The following VPS45 variants were observed in gnomAD, a reference collection of about 807,000 sequenced individuals.
The protein encoded by VPS45 is vacuolar protein sorting-associated protein 45.
Under a neutral mutation model 75.9 loss-of-function variants are expected in VPS45, and 35 were observed. That is an observed-to-expected ratio of 0.46 (90% CI 0.35 to 0.61). The LOEUF is 0.61. Ranked by LOEUF, VPS45 falls within the 20% of genes least tolerant of loss-of-function variation. The probability of loss-of-function intolerance (pLI) is 0.00; values close to 1 mark genes in which losing one functional copy is unlikely to be tolerated. For missense variants in VPS45, 559 were observed against 685.9 expected (o/e 0.81, Z 2.07); for synonymous variants, 220 against 238.2 (o/e 0.92, Z 0.70).
At chr1:150,103,370 T>A (rs1434780186) in intron 13 of VPS45, among the ~76,000 whole-genome samples, 1 of 152,192 alleles carries the variant, frequency 6.6e-6, no homozygotes, top group African/African-American at 2.4e-5. Context: ...TAAACATTGT[T>A]TTTCATAGAC....
chr1:150,081,119 A>G (rs1472827046), intron 7 of VPS45, among the ~76,000 whole-genome samples: 1 of 152,180 alleles, frequency 6.6e-6, no homozygotes, highest in Non-Finnish European at 1.5e-5. Context: ...CCCTTTTTCC[A>G]AAAGTATGAA....
Position 150,144,736 on chromosome 1 carries a change from A to T in VPS45, c.1653A>T (p.Gly551=), listed in dbSNP as rs1553816156. 3 of 1,614,132 alleles carry T rather than the reference A, an allele frequency of 1.9e-6. No homozygotes were observed. The highest frequency in any genetic ancestry group is 1.7e-6 in the Non-Finnish European group (2 of 1,180,010). Residue 551 remains glycine (G), a synonymous_variant, in exon 15 of 15, where the codon GGA becomes GGT. Transcript: ENST00000644510. ...TCCTAGAGGAAGTTCTGGCTTCTGGACTGCACAGCCGAAGCAAGGAGAGCT... is the reference window on the plus strand; with the variant it reads ...TCCTAGAGGAAGTTCTGGCTTCTGGTCTGCACAGCCGAAGCAAGGAGAGCT... ...KSFLEEVLAS[G]LHSRSKESSQ... is the part of the protein sequence containing the mutation.
intron 13 of VPS45, 87 bp from the exon 14 acceptor site, chr1:150,110,409 G>C: frequency 8.7e-7 from 1 of 1,151,224 alleles, no homozygotes; most frequent in South Asian, 2.1e-5. Context: ...CAAAAAAAAA[G>C]ATTTAGAAAT....
At chr1:150,101,787 G>A (rs1657029091) in intron 13 of VPS45, among the ~76,000 whole-genome samples, 1 of 151,718 alleles carries the variant, frequency 6.6e-6, no homozygotes, top group African/African-American at 2.4e-5. Flanking sequence ...CAGAGAAAAG[G>A]GAACACTTGT....
At chr1:150,088,610 G>A (rs1656155060) in intron 10 of VPS45, among the ~76,000 whole-genome samples, 1 of 150,508 alleles carries the variant, frequency 6.6e-6, no homozygotes, top group Non-Finnish European at 1.5e-5. Context: ...CTCCCCAGTA[G>A]CTGGGACTAC....
chr1:150,077,101 A>AT lies in VPS45; in HGVS notation c.448dup (p.Trp150LeufsTer8). 6.2e-7 allele frequency: 1 copy of AT among 1,613,868 alleles called. No individual in the cohort carries two copies. Among genetic ancestry groups the AT allele is most frequent in the Non-Finnish European group, 8.5e-7 (1 of 1,179,938 alleles). ...TATGTTTTTAACAAAAAGGGTCGAA[A>AT]TTGGGATCCAGCCCAGCTATCTAGA... On this transcript the variant is annotated frameshift_variant, in exon 6 of 15. Transcript: ENST00000644510. LOFTEE classifies it high-confidence loss of function.
At chr1:150,100,261 G>T (rs1656908238) in intron 13 of VPS45, among the ~76,000 whole-genome samples, 1 of 152,082 alleles carries the variant, frequency 6.6e-6, no homozygotes, top group Admixed American at 6.5e-5. Flanking sequence ...AAATACCTAG[G>T]AATACAGCTA....
intron 14 of VPS45, among the ~76,000 whole-genome samples, chr1:150,136,617 T>C (rs1447530700): frequency 6.6e-6 from 1 of 152,010 alleles, no homozygotes; most frequent in African/African-American, 2.4e-5. Flanking sequence ...AAATGTATCC[T>C]AAATATAAAT....
chr1:150,101,268 C>CAAA (rs782740342), intron 13 of VPS45, among the ~76,000 whole-genome samples: 1,506 of 137,084 alleles, frequency 0.011, 30 homozygotes, highest in Middle Eastern at 0.038. Context: ...AACCCTGTCG[C>CAAA]AAAAAAAAAA....
Position 150,102,679 on chromosome 1 carries a change from G to A in VPS45, c.1494-7817G>A, listed in dbSNP as rs2086203. Among the ~76,000 whole-genome samples the A allele has an allele frequency of 5.1e-3, 770 of 152,252 alleles. 8 individuals carry two copies. The highest frequency in any genetic ancestry group is 0.018 in the African/African-American group (732 of 41,542). Reference sequence around the variant, plus strand: ...AAAATGTACATATACACCATGGAATGTTAGGCAGCCATAAAAAAATGAGAT... The same window carrying A: ...AAAATGTACATATACACCATGGAATATTAGGCAGCCATAAAAAAATGAGAT... On this transcript the variant is annotated intron_variant, in intron 13 of 14. Coordinates refer to ENST00000644510, the MANE Select transcript of VPS45 (RefSeq NM_007259.5).
rs1376529002 is a variant in VPS45, at chr1:150,125,622, G to A, written c.1625+14995G>A. 6.8e-5 allele frequency among the ~76,000 whole-genome samples: 9 copies of A among 132,470 alleles called. 1 individual carries two copies. Among genetic ancestry groups the A allele is most frequent in the African/African-American group, 2.5e-4 (9 of 35,600 alleles). The allele number at this position is 132,470 out of a possible 152,430, so 86.9% of individuals were successfully genotyped here. On this transcript the variant is annotated intron_variant, in intron 14 of 14. Transcript: ENST00000644510. ...CAATGAGAACACTTGGACACAGGAA[G>A]GGGAACATCACACACTGGGGGGAGG...
chr1:150,077,053 A>G, intron 5 of VPS45, 41 bp from the exon 6 acceptor site: 1 of 1,613,320 alleles, frequency 6.2e-7, no homozygotes, highest in Non-Finnish European at 8.5e-7. Flanking sequence ...TGTAAGAGAA[A>G]ATTCAAATAT....
chr1:150,091,956 A>G lies in VPS45; in HGVS notation c.1124A>G (p.Gln375Arg). The G allele has an allele frequency of 6.2e-7, 1 of 1,613,710 alleles. No individual in the cohort carries two copies. The highest frequency in any genetic ancestry group is 8.5e-7 in the Non-Finnish European group (1 of 1,179,878). ...SALQNIKRLL[Q>R]NPKVTEFDAA... ...CTTCAGAATATAAAAAGGCTTCTGCAGAACCCCAAAGTGACAGAGTTTGAT... is the reference window on the plus strand; with the variant it reads ...CTTCAGAATATAAAAAGGCTTCTGCGGAACCCCAAAGTGACAGAGTTTGAT... The change falls in exon 11 of 15, where the codon CAG (glutamine) becomes CGG (arginine). Residue 375 changes from glutamine to arginine, a missense_variant. Physicochemically the swap from Gln to Arg is conservative, Grantham distance 43. Coordinates refer to ENST00000644510, the MANE Select transcript of VPS45 (RefSeq NM_007259.5).
At position 150,076,935 on chromosome 1, in the gene VPS45, T is replaced by C. The variant is rs1299500545; in HGVS notation, c.389T>C (p.Ile130Thr). 1 of 1,614,006 alleles carries C rather than the reference T, an allele frequency of 6.2e-7. No homozygotes were observed. Residue 130 changes from isoleucine to threonine, a missense_variant, in exon 5 of 15, where the codon ATT becomes ACT. Ile to Thr is a moderately conservative substitution (Grantham distance 89, BLOSUM62 -1). Transcript: ENST00000644510. ...TTGCAGGAATTTTATGGTGATTACA[T>C]TGCTGTGAACCCACATTTGTTTTCC... is the stretch of plus-strand genomic sequence containing the variant. ...AEVQEFYGDY[I>T]AVNPHLFSLN...
chr1:150,120,139 C>A (rs900413981), intron 14 of VPS45, among the ~76,000 whole-genome samples: 1 of 151,942 alleles, frequency 6.6e-6, no homozygotes, highest in Non-Finnish European at 1.5e-5. Context: ...GATTACTAAA[C>A]AGATTTATTC....
intron 3 of VPS45, among the ~76,000 whole-genome samples, chr1:150,075,433 T>A: frequency 6.6e-6 from 1 of 152,186 alleles, no homozygotes; most frequent in East Asian, 1.9e-4. Context: ...TAGGTTAAGA[T>A]TTGATTTCTT....
At chr1:150,113,372 G>A (rs774621675) in intron 14 of VPS45, among the ~76,000 whole-genome samples, 44 of 152,152 alleles carry the variant, frequency 2.9e-4, no homozygotes, top group African/African-American at 4.6e-4. Flanking sequence ...CATTATGTAC[G>A]GAAAAGTATA....
intron 14 of VPS45, among the ~76,000 whole-genome samples, chr1:150,133,399 C>G (rs1658924749): frequency 6.6e-6 from 1 of 151,732 alleles, no homozygotes; most frequent in African/African-American, 2.4e-5. Context: ...AAAAAAAATA[C>G]AAAAATTAGC....
At chr1:150,087,434 C>A (rs1553800949) in intron 10 of VPS45, among the ~76,000 whole-genome samples, 1 of 152,006 alleles carries the variant, frequency 6.6e-6, no homozygotes, top group Non-Finnish European at 1.5e-5. Flanking sequence ...TAAGAGAAAC[C>A]AAAAAATTAT....
Sources: gnomAD v4.1 joint callset for allele counts (sites outside exome capture counted in the v4.1 genomes callset) on GRCh38, gnomAD v4.1.1 for gene constraint, MANE v1.5 for transcripts, NCBI Gene and HGNC (gene_info 2026-07-23, HGNC 2026-07-21) for gene names.